The following PTPRO variants were observed in gnomAD, a reference collection of about 807,000 sequenced individuals.
PTPRO encodes receptor-type tyrosine-protein phosphatase O.
Under a neutral mutation model 145.2 loss-of-function variants are expected in PTPRO, and 62 were observed. The ratio of observed to expected loss-of-function variants is 0.43; its 90% confidence interval spans 0.35 to 0.53. The LOEUF is 0.53. Ranked by LOEUF, PTPRO falls within the 20% of genes least tolerant of loss-of-function variation. PTPRO has a pLI of 0.01. For synonymous variants in PTPRO, 565 were observed against 514.7 expected (o/e 1.10, Z -1.32); for missense variants, 1,345 against 1,482.7 (o/e 0.91, Z 1.53).
Position 15,546,579 on chromosome 12 carries a change from A to T in PTPRO, c.2175A>T (p.Pro725=). 6.2e-7 allele frequency: 1 copy of T among 1,607,648 alleles called. No individual in the cohort carries two copies. The highest frequency in any genetic ancestry group is 8.5e-7 in the Non-Finnish European group (1 of 1,176,542). Reference sequence around the variant, plus strand: ...TTTGTCTTTGCTCAGAACCAGCTCCACCCAAATCACTCTTCGCAGTGAACA... The same window carrying T: ...TTTGTCTTTGCTCAGAACCAGCTCCTCCCAAATCACTCTTCGCAGTGAACA... ...MLRLVKLEPA[P]PKSLFAVNKT... The change falls in exon 13 of 27, where the codon CCA becomes CCT. Residue 725 remains proline, a synonymous_variant. Transcript: ENST00000281171.
At chr12:15,485,508 C>A (rs1009272858) in intron 2 of PTPRO, among the ~76,000 whole-genome samples, 2 of 152,122 alleles carry the variant, frequency 1.3e-5, no homozygotes, top group Non-Finnish European at 2.9e-5. Flanking sequence ...CTAGCCCAAG[C>A]CTTATGCTTG....
At chr12:15,483,825 A>G (rs1289843507) in intron 1 of PTPRO, 149 bp from the exon 2 acceptor site, 1 of 766,136 alleles carries the variant, frequency 1.3e-6, no homozygotes, top group Non-Finnish European at 2.1e-6. Context: ...TAAAATACCT[A>G]TGTAACTCTA....
rs536284138 is a variant in PTPRO, at chr12:15,510,988, G to A, written c.1464+2221G>A. 7.4e-4 allele frequency among the ~76,000 whole-genome samples: 79 copies of A among 106,138 alleles called. 3 individuals carry two copies. The South Asian group carries it at 0.025, about 33-fold the overall frequency. The allele number at this position is 106,138 out of a possible 152,430, so 69.6% of individuals were successfully genotyped here. On this transcript the variant is annotated intron_variant, in intron 7 of 26. Coordinates refer to ENST00000281171, the MANE Select transcript of PTPRO (RefSeq NM_030667.3). The stretch of plus-strand genomic sequence containing the variant: ...TCGAGACCAGCCTGGGTAACATAGT[G>A]AAACTCTGTCTCCACAAAAAAAAAA...
chr12:15,338,971 C>T (rs923463261), intron 1 of PTPRO, among the ~76,000 whole-genome samples: 1 of 152,010 alleles, frequency 6.6e-6, no homozygotes, highest in Admixed American at 6.5e-5. Flanking sequence ...GTCTGTAATA[C>T]AAGTGAAAAT....
intron 25 of PTPRO, among the ~76,000 whole-genome samples, chr12:15,590,736 C>T (rs910816411): frequency 3.9e-5 from 6 of 152,202 alleles, no homozygotes; most frequent in African/African-American, 1.2e-4. Context: ...TCAGACCTCT[C>T]ATTGATAATT....
intron 1 of PTPRO, among the ~76,000 whole-genome samples, chr12:15,401,518 TAAC>T (rs201087859): frequency 0.015 from 2,283 of 152,336 alleles, 28 homozygotes; most frequent in Non-Finnish European, 0.02. Context: ...AGGCTAATGA[TAAC>T]ATAAGTTTGC....
chr12:15,579,488 A>C (rs1472983970), intron 20 of PTPRO, among the ~76,000 whole-genome samples: 1 of 152,252 alleles, frequency 6.6e-6, no homozygotes, highest in Non-Finnish European at 1.5e-5. Context: ...GAAAAGTGAG[A>C]AGAGAAAGGC....
chr12:15,341,575 A>G (rs1353300058), intron 1 of PTPRO, among the ~76,000 whole-genome samples: 1 of 152,204 alleles, frequency 6.6e-6, no homozygotes, highest in East Asian at 1.9e-4. Context: ...AATCTGTTTC[A>G]TGATAATTTT....
intron 9 of PTPRO, among the ~76,000 whole-genome samples, chr12:15,518,302 G>T (rs1046366068): frequency 2.0e-5 from 3 of 152,330 alleles, no homozygotes; most frequent in Middle Eastern, 3.4e-3. Flanking sequence ...CAGCTGGGAT[G>T]CAGGGCACCA....
intron 1 of PTPRO, among the ~76,000 whole-genome samples, chr12:15,457,159 A>G (rs1006852810): frequency 3.3e-5 from 5 of 152,186 alleles, no homozygotes; most frequent in African/African-American, 1.2e-4. Flanking sequence ...GACTTGCATC[A>G]GTGCTTTGCT....
intron 12 of PTPRO, among the ~76,000 whole-genome samples, chr12:15,545,663 T>A (rs1284007126): frequency 1.3e-5 from 2 of 152,100 alleles, no homozygotes; most frequent in Non-Finnish European, 2.9e-5. Context: ...ATTATTAAGA[T>A]AAAATGTCTA....
intron 12 of PTPRO, among the ~76,000 whole-genome samples, chr12:15,532,418 G>C (rs918592078): frequency 3.9e-5 from 6 of 152,134 alleles, no homozygotes; most frequent in African/African-American, 1.4e-4. Context: ...ACATTTGAAA[G>C]TCATGTGGGA....
chr12:15,478,679 T>C (rs1235918599), intron 1 of PTPRO, among the ~76,000 whole-genome samples: 2 of 152,086 alleles, frequency 1.3e-5, no homozygotes, highest in Non-Finnish European at 2.9e-5. Flanking sequence ...AAATTAATTT[T>C]TTTTTTCTTT....
At chr12:15,446,583 C>T (rs1313051255) in intron 1 of PTPRO, among the ~76,000 whole-genome samples, 4 of 151,528 alleles carry the variant, frequency 2.6e-5, no homozygotes, top group Non-Finnish European at 5.9e-5. Flanking sequence ...ATATGATGCC[C>T]GATGGATTCT....
chr12:15,464,244 G>GT (rs1170314235), intron 1 of PTPRO, among the ~76,000 whole-genome samples: 1 of 152,186 alleles, frequency 6.6e-6, no homozygotes, highest in East Asian at 1.9e-4. Context: ...AGAAAGGCAT[G>GT]TTTCAGAACT....
intron 1 of PTPRO, among the ~76,000 whole-genome samples, chr12:15,397,632 C>T (rs1334192086): frequency 6.6e-6 from 1 of 152,158 alleles, no homozygotes; most frequent in African/African-American, 2.4e-5. Context: ...ACCCACAAGG[C>T]ATAGGGTTTG....
In PTPRO at chr12:15,516,826, G is replaced by A. The variant is rs1339462208; in HGVS notation, c.1649G>A (p.Trp550Ter). The change falls in exon 9 of 27, where the codon TGG becomes TAG. Residue 550 changes from tryptophan (W) to a stop codon, truncating the protein, a stop_gained. Transcript: ENST00000281171. LOFTEE classifies it high-confidence loss of function. ...PLGPTAVVLS[W>*]TRPYLGVFRK... ...GGTCCTACGGCCGTGGTTCTGAGCTGGACCAGACCTTATTTAGGCGTGTTC... is the reference window on the plus strand; with the variant it reads ...GGTCCTACGGCCGTGGTTCTGAGCTAGACCAGACCTTATTTAGGCGTGTTC... The A allele has an allele frequency of 6.2e-7, 1 of 1,612,166 alleles. No individual in the cohort carries two copies. Among genetic ancestry groups the A allele is most frequent in the African/African-American group, 1.3e-5 (1 of 74,872 alleles).
intron 1 of PTPRO, among the ~76,000 whole-genome samples, chr12:15,466,794 C>T (rs1269944146): frequency 6.6e-6 from 1 of 152,178 alleles, no homozygotes; most frequent in Non-Finnish European, 1.5e-5. Context: ...GTTTCCACTA[C>T]AGCCAACTGC....
chr12:15,476,491 A>G (rs1019093955), intron 1 of PTPRO, among the ~76,000 whole-genome samples: 1 of 151,416 alleles, frequency 6.6e-6, no homozygotes, highest in African/African-American at 2.4e-5. Context: ...GTAGGTTGCG[A>G]AAATTTTCTC....
Sources: gnomAD v4.1 joint callset for allele counts (sites outside exome capture counted in the v4.1 genomes callset) on GRCh38, gnomAD v4.1.1 for gene constraint, MANE v1.5 for transcripts, NCBI Gene and HGNC (gene_info 2026-07-23, HGNC 2026-07-21) for gene names.